ERG: variants seen among roughly 807,000 people sequenced by gnomAD.
ERG encodes the protein ETS transcription factor ERG, also known as transcriptional regulator ERG.
A neutral mutation model predicts 55.3 loss-of-function variants in ERG; 9 were observed. The observed-to-expected ratio is 0.16, with a 90% CI of 0.10 to 0.28. The LOEUF is 0.28. Among genes scored for constraint, ERG ranks in the 10% least tolerant of loss-of-function variants. ERG has a pLI of 1.00. For synonymous variants in ERG, 223 were observed against 237.3 expected (o/e 0.94, Z 0.55); for missense variants, 434 against 631.6 (o/e 0.69, Z 3.35).
chr21:38,617,209 C>T (rs2060264196), intron 1 of ERG, among the ~76,000 whole-genome samples: 1 of 152,170 alleles, frequency 6.6e-6, no homozygotes, highest in African/African-American at 2.4e-5. Flanking sequence ...GATTTGATGG[C>T]ACCATAAATA....
intron 1 of ERG, among the ~76,000 whole-genome samples, chr21:38,461,418 G>A (rs12329744): frequency 0.089 from 13,516 of 152,208 alleles, 664 homozygotes; most frequent in Middle Eastern, 0.12. Context: ...GGTCCTGGGG[G>A]TTAGGACTTC....
intron 1 of ERG, among the ~76,000 whole-genome samples, chr21:38,496,167 G>C (rs1246236199): frequency 6.6e-6 from 1 of 152,136 alleles, no homozygotes; most frequent in Non-Finnish European, 1.5e-5. Flanking sequence ...GCTTTTCATA[G>C]TGTCTCATAG....
At chr21:38,475,322 C>T (rs747187738) in intron 1 of ERG, among the ~76,000 whole-genome samples, 16 of 152,122 alleles carry the variant, frequency 1.1e-4, no homozygotes, top group African/African-American at 3.1e-4. Flanking sequence ...GAAGATGACA[C>T]GCTCATTTTA....
At chr21:38,404,151 C>G (rs1601343106) in intron 3 of ERG, among the ~76,000 whole-genome samples, 1 of 152,056 alleles carries the variant, frequency 6.6e-6, no homozygotes, top group African/African-American at 2.4e-5. Flanking sequence ...GTGCTAATTA[C>G]AGATCACAAC....
intron 1 of ERG, among the ~76,000 whole-genome samples, chr21:38,624,486 A>C (rs937747187): frequency 3.3e-5 from 5 of 151,962 alleles, no homozygotes; most frequent in Non-Finnish European, 7.4e-5. Flanking sequence ...TCTCCTCCCT[A>C]CTCATCCCGG....
At chr21:38,376,111 G>A (rs1987235514), downstream of ERG, among the ~76,000 whole-genome samples, 1 of 152,156 alleles carries the variant, frequency 6.6e-6, no homozygotes, top group Non-Finnish European at 1.5e-5. Flanking sequence ...GGGTAGGGTG[G>A]CTTAGTGAAC....
chr21:38,578,151 G>A (rs1427623188), intron 1 of ERG, among the ~76,000 whole-genome samples: 1 of 152,200 alleles, frequency 6.6e-6, no homozygotes, highest in Non-Finnish European at 1.5e-5. Flanking sequence ...AGATGACCAC[G>A]GCCCCTGCCG....
chr21:38,537,737 GAA>G (rs2059722044), intron 2 of ERG, among the ~76,000 whole-genome samples: 1 of 152,130 alleles, frequency 6.6e-6, no homozygotes, highest in Admixed American at 6.6e-5. Context: ...AGTAAAATGG[GAA>G]AGTCACTATA....
chr21:38,493,988 G>A (rs74591317), intron 1 of ERG, among the ~76,000 whole-genome samples: 1 of 152,216 alleles, frequency 6.6e-6, no homozygotes, highest in East Asian at 1.9e-4. Context: ...CCGCGGGGGG[G>A]CGTCTGATGG....
At chr21:38,462,978 GCTTGAGACA>G (rs1377288911) in intron 1 of ERG, among the ~76,000 whole-genome samples, 1 of 152,164 alleles carries the variant, frequency 6.6e-6, no homozygotes, top group Non-Finnish European at 1.5e-5. Flanking sequence ...ATCAGAGGCA[GCTTGAGACA>G]CTGGTCCCTG....
At chr21:38,448,659 C>G (rs1433477989) in intron 1 of ERG, among the ~76,000 whole-genome samples, 1 of 152,224 alleles carries the variant, frequency 6.6e-6, no homozygotes, top group African/African-American at 2.4e-5. Context: ...ACAGCGGTCA[C>G]TAAAGTTAAG....
At chr21:38,580,039 A>C (rs1214586274) in intron 1 of ERG, among the ~76,000 whole-genome samples, 1 of 151,766 alleles carries the variant, frequency 6.6e-6, no homozygotes, top group African/African-American at 2.4e-5. Flanking sequence ...CCAGGATGGT[A>C]TCGATCTCCT....
intron 1 of ERG, among the ~76,000 whole-genome samples, chr21:38,451,509 G>A (rs79171130): frequency 0.015 from 2,350 of 152,262 alleles, 22 homozygotes; most frequent in Middle Eastern, 0.031. Flanking sequence ...AAATATGCTG[G>A]AGCCTATGCC....
chr21:38,382,907 T>G lies in ERG; in HGVS notation c.*496A>C. ...GCAGTTGCATATCAACGTCTGTTGA[T>G]GGGCCACAGTCTCTCTCGTGTCTTT... On this transcript the variant is annotated 3_prime_UTR_variant, in exon 10 of 10. Coordinates refer to ENST00000288319, the MANE Select transcript of ERG (RefSeq NM_182918.4). 1 of 1,066,676 alleles carries G rather than the reference T, an allele frequency of 9.4e-7. No homozygotes were observed. The highest frequency in any genetic ancestry group is 4.5e-5 in the South Asian group (1 of 21,990). 66.1% of individuals were successfully genotyped at this position (1,066,676 alleles called of 1,614,324 possible). A position where few individuals can be genotyped will look rare whatever the true frequency, so the allele number is the denominator to read the frequency against.
chr21:38,431,863 G>A (rs928783528), intron 2 of ERG, among the ~76,000 whole-genome samples: 2 of 152,200 alleles, frequency 1.3e-5, no homozygotes, highest in African/African-American at 2.4e-5. Context: ...GCTGGTGGCA[G>A]AGCAGGACGC....
intron 9 of ERG, among the ~76,000 whole-genome samples, chr21:38,385,957 C>T (rs1389048894): frequency 6.6e-6 from 1 of 152,278 alleles, no homozygotes; most frequent in East Asian, 1.9e-4. Flanking sequence ...TCAACTTTCT[C>T]CCATAGAGAA....
At chr21:38,458,293 G>A (rs887636426) in intron 1 of ERG, among the ~76,000 whole-genome samples, 6 of 152,154 alleles carry the variant, frequency 3.9e-5, no homozygotes, top group Non-Finnish European at 7.4e-5. Context: ...GTGTGGTGGC[G>A]TGTGCCTGTA....
chr21:38,495,307 C>T (rs1293241001), intron 1 of ERG, among the ~76,000 whole-genome samples: 2 of 152,170 alleles, frequency 1.3e-5, no homozygotes, highest in South Asian at 2.1e-4. Flanking sequence ...CCTATCAGGT[C>T]GTGTTTCAAT....
At chr21:38,368,942 T>A in the ERG span, among the ~76,000 whole-genome samples, 1 of 152,230 alleles carries the variant, frequency 6.6e-6, no homozygotes, top group Non-Finnish European at 1.5e-5. Flanking sequence ...GCAAAGGACA[T>A]GATCTCATTC....
Sources: allele counts gnomAD v4.1 joint callset (sites outside exome capture counted in the v4.1 genomes callset), GRCh38; gene constraint gnomAD v4.1.1; transcripts MANE v1.5; gene names NCBI Gene and HGNC (gene_info 2026-07-23, HGNC 2026-07-21).